ANXA4: variants seen among roughly 807,000 people sequenced by gnomAD.
ANXA4 encodes the protein 35-beta calcimedin.
Under a neutral mutation model 49.8 loss-of-function variants are expected in ANXA4, and 39 were observed. The ratio of observed to expected loss-of-function variants is 0.78; its 90% CI spans 0.61 to 1.02. The LOEUF is 1.02. Among genes scored for constraint, ANXA4 ranks in the 50% least tolerant of loss-of-function variants. The probability of loss-of-function intolerance (pLI) is 0.00; values close to 1 mark genes in which losing one functional copy is unlikely to be tolerated. For missense variants in ANXA4, 360 were observed against 410.1 expected (o/e 0.88, Z 1.05); for synonymous variants, 134 against 152.5 (o/e 0.88, Z 0.89).
At chr2:69,717,468 A>G (rs1422258639) in intron 2 of ANXA4, among the ~76,000 whole-genome samples, 1 of 152,172 alleles carries the variant, frequency 6.6e-6, no homozygotes, top group Non-Finnish European at 1.5e-5. Context: ...TGCATCATAA[A>G]TGAGGGTAAC....
At chr2:69,691,268 C>T (rs1295776553) in intron 2 of ANXA4, among the ~76,000 whole-genome samples, 6 of 151,960 alleles carry the variant, frequency 3.9e-5, no homozygotes, top group Non-Finnish European at 7.4e-5. Flanking sequence ...AGATTACAGG[C>T]GCCCACTTCC....
chr2:69,816,199 GGCACTTACTTCAT>G lies in ANXA4; in HGVS notation c.628+6_628+18del, dbSNP rs1294212449. On this transcript the variant is annotated splice_donor_region_variant and intron_variant, in intron 9 of 12. Transcript: ENST00000394295. ...ACCGAAATCACCTGTTGCATGGTAA[GGCACTTACTTCAT>G]TTCCCAAAGAAAAGGAGTGAAAGAT... is the stretch of plus-strand genomic sequence containing the variant. 6 of 1,613,084 alleles carry G rather than the reference GGCACTTACTTCAT, an allele frequency of 3.7e-6. No homozygotes were observed. In the Admixed American group the frequency reaches 6.7e-5, roughly 18 times the overall value.
At chr2:69,751,221 A>G (rs1003381571) in intron 1 of ANXA4, among the ~76,000 whole-genome samples, 5 of 152,088 alleles carry the variant, frequency 3.3e-5, no homozygotes, top group Admixed American at 6.6e-5. Context: ...ACTCTGTGTA[A>G]TAGGTTAAAA....
At chr2:69,743,109 G>A (rs867266682) in intron 1 of ANXA4, among the ~76,000 whole-genome samples, 1 of 152,194 alleles carries the variant, frequency 6.6e-6, no homozygotes, top group African/African-American at 2.4e-5. Context: ...AGGCTCAGGT[G>A]TTTCACCCAC....
upstream of ANXA4, among the ~76,000 whole-genome samples, chr2:69,740,588 G>A (rs1004701329): frequency 2.0e-5 from 3 of 151,516 alleles, no homozygotes; most frequent in East Asian, 3.9e-4. Flanking sequence ...GCTAGTAGCT[G>A]GGACTACAGG....
At chr2:69,803,994 T>G (rs1361289181) in intron 3 of ANXA4, among the ~76,000 whole-genome samples, 1 of 151,748 alleles carries the variant, frequency 6.6e-6, no homozygotes, top group Non-Finnish European at 1.5e-5. Flanking sequence ...AAAAATTCGC[T>G]GGGGGTGGTG....
intron 12 of ANXA4, among the ~76,000 whole-genome samples, chr2:69,823,283 A>G (rs1040014055): frequency 6.6e-5 from 10 of 151,548 alleles, no homozygotes; most frequent in African/African-American, 2.4e-4. Flanking sequence ...ACACACCACT[A>G]GAAAAGATTA....
intron 2 of ANXA4, among the ~76,000 whole-genome samples, chr2:69,708,570 T>C (rs1559097918): frequency 6.6e-6 from 1 of 151,928 alleles, no homozygotes; most frequent in Non-Finnish European, 1.5e-5. Context: ...TCTTCATGGG[T>C]CTCTTGGTTT....
chr2:69,697,716 C>T (rs1678202661), intron 2 of ANXA4, among the ~76,000 whole-genome samples: 2 of 152,104 alleles, frequency 1.3e-5, no homozygotes, highest in South Asian at 4.1e-4. Flanking sequence ...GGCCTAATGT[C>T]AATATTGTTG....
At chr2:69,670,495 C>G (rs1677135995) in intron 2 of ANXA4, among the ~76,000 whole-genome samples, 1 of 149,464 alleles carries the variant, frequency 6.7e-6, no homozygotes, top group Non-Finnish European at 1.5e-5. Context: ...GAGATGGCGA[C>G]TGGTCCACAG....
upstream of ANXA4, among the ~76,000 whole-genome samples, chr2:69,644,165 T>TTCCCCCCCCCCCCCCCCC (rs1553424953): frequency 4.7e-5 from 1 of 21,116 alleles, no homozygotes; most frequent in African/African-American, 1.7e-4. Context: ...ACAACTAAGT[T>TTCCCCCCCCCCCCCCCCC]CCCCCCCCCC....
At chr2:69,714,911 A>G (rs766187442) in intron 2 of ANXA4, among the ~76,000 whole-genome samples, 2 of 152,212 alleles carry the variant, frequency 1.3e-5, no homozygotes, top group Non-Finnish European at 2.9e-5. Context: ...AGCCTAACGC[A>G]AGGTCCTCCC....
chr2:69,656,304 T>TAC (rs1260032077), intron 2 of ANXA4, among the ~76,000 whole-genome samples: 5 of 101,256 alleles, frequency 4.9e-5, no homozygotes, highest in East Asian at 7.8e-4. Flanking sequence ...TGTATATATA[T>TAC]GTATATATGT....
intron 1 of ANXA4, among the ~76,000 whole-genome samples, chr2:69,755,234 T>C (rs564644083): frequency 6.6e-6 from 1 of 152,272 alleles, no homozygotes; most frequent in African/African-American, 2.4e-5. Context: ...GAGTTTCTGT[T>C]TGGAATGATA....
chr2:69,702,574 T>TGTG (rs1191135694), intron 2 of ANXA4, among the ~76,000 whole-genome samples: 4 of 151,676 alleles, frequency 2.6e-5, no homozygotes, highest in African/African-American at 9.7e-5. Context: ...ATTAACTGAG[T>TGTG]GTGGTGGTGT....
intron 1 of ANXA4, among the ~76,000 whole-genome samples, chr2:69,777,415 TCCAGACGTCCCCTCATTAACATGAAC>T (rs1207568749): frequency 6.6e-6 from 1 of 152,208 alleles, no homozygotes; most frequent in Non-Finnish European, 1.5e-5. Flanking sequence ...CTGGGGGCTT[TCCAGACGTCCCCTCATTAACATGAAC>T]TCAGGTGCGG....
chr2:69,728,951 A>G (rs1238456783), intron 3 of ANXA4, among the ~76,000 whole-genome samples: 1 of 152,230 alleles, frequency 6.6e-6, no homozygotes, highest in Non-Finnish European at 1.5e-5. Context: ...ATTTGGGAGC[A>G]TTACATATTT....
chr2:69,648,414 G>A (rs1676090172), intron 1 of ANXA4, among the ~76,000 whole-genome samples: 2 of 152,118 alleles, frequency 1.3e-5, no homozygotes, highest in African/African-American at 2.4e-5. Context: ...AAGAGGGAGG[G>A]GCAGAGGCAG....
In ANXA4 at chr2:69,807,970, G is replaced by A. The variant is rs746402744; in HGVS notation, c.371G>A (p.Arg124Gln). Residue 124 changes from arginine to glutamine, a missense_variant, in exon 6 of 13, where the codon CGG (arginine) becomes CAG (glutamine). Arg to Gln is a conservative substitution (Grantham distance 43). Transcript: ENST00000394295. Reference protein sequence around the residue: ...ILASRTPEEIRRISQTYQQQY... With the variant: ...ILASRTPEEIQRISQTYQQQY... ...GCCTCCCGGACCCCTGAGGAGATCCGGCGCATAAGCCAAACCTACCAGCAG... is the reference window on the plus strand; with the variant it reads ...GCCTCCCGGACCCCTGAGGAGATCCAGCGCATAAGCCAAACCTACCAGCAG... 14 of 1,614,022 alleles carry A rather than the reference G, an allele frequency of 8.7e-6. No individual in the cohort carries two copies. The highest frequency in any genetic ancestry group is 6.7e-5 in the African/African-American group (5 of 74,924).
Sources: gnomAD v4.1 joint callset for allele counts (sites outside exome capture counted in the v4.1 genomes callset) on GRCh38, gnomAD v4.1.1 for gene constraint, MANE v1.5 for transcripts, NCBI Gene and HGNC (gene_info 2026-07-23, HGNC 2026-07-21) for gene names.